Variants in DRC8 observed in about 807,000 individuals in gnomAD.
DRC8 encodes the protein dynein regulatory complex subunit 8.
At chr1:245,067,275 G>A in the DRC8 span, among the ~76,000 whole-genome samples, 3 of 151,968 alleles carry the variant, frequency 2.0e-5, no homozygotes, top group Non-Finnish European at 4.4e-5. Flanking sequence ...TACAGGTGCC[G>A]GCCAACATGA....
At chr1:245,056,122 T>TC in the DRC8 span, among the ~76,000 whole-genome samples, 1 of 152,162 alleles carries the variant, frequency 6.6e-6, no homozygotes, top group East Asian at 1.9e-4. Flanking sequence ...AAAGACTTCC[T>TC]CCAGCCTTTG....
chr1:245,009,139 G>T, the DRC8 span, among the ~76,000 whole-genome samples: 1 of 137,278 alleles, frequency 7.3e-6, no homozygotes, highest in Admixed American at 8.3e-5. Context: ...AAGTTCAAGT[G>T]ATTCTCCTGC....
At chr1:245,047,878 G>A in the DRC8 span, among the ~76,000 whole-genome samples, 4 of 151,150 alleles carry the variant, frequency 2.6e-5, no homozygotes, top group East Asian at 3.9e-4. Flanking sequence ...GAGAGGCTGC[G>A]GCAGGGGAAT....
the DRC8 span, among the ~76,000 whole-genome samples, chr1:245,095,129 C>T: frequency 3.2e-4 from 48 of 152,214 alleles, no homozygotes; most frequent in Admixed American, 3.9e-4. Context: ...CATCACACAA[C>T]CGGAACAGCC....
chr1:244,988,677 A>G, the DRC8 span, among the ~76,000 whole-genome samples: 1 of 152,126 alleles, frequency 6.6e-6, no homozygotes, highest in Non-Finnish European at 1.5e-5. Context: ...CTCTTTCCAT[A>G]TATGCTTCCT....
At chr1:245,066,608 G>T in the DRC8 span, among the ~76,000 whole-genome samples, 1 of 152,208 alleles carries the variant, frequency 6.6e-6, no homozygotes, top group South Asian at 2.1e-4. Flanking sequence ...TAAGATAATG[G>T]TACTTATAAT....
the DRC8 span, among the ~76,000 whole-genome samples, chr1:245,095,789 T>C: frequency 6.6e-6 from 1 of 151,476 alleles, no homozygotes; most frequent in Admixed American, 6.6e-5. Context: ...TTAATTTAAT[T>C]GTTCACTTAG....
chr1:245,049,476 A>G, the DRC8 span, among the ~76,000 whole-genome samples: 13 of 152,274 alleles, frequency 8.5e-5, no homozygotes, highest in Admixed American at 7.2e-4. The surrounding 1 kb of genome is among the most constrained non-coding windows in gnomAD (Gnocchi z 4.5). Flanking sequence ...CGAAATTCTT[A>G]TGGGGGCCAG....
chr1:245,066,243 T>C, the DRC8 span, among the ~76,000 whole-genome samples: 6 of 152,356 alleles, frequency 3.9e-5, no homozygotes, highest in African/African-American at 9.6e-5. Flanking sequence ...GATGCAGATA[T>C]ACAGTTTGCC....
At chr1:245,086,352 A>C in the DRC8 span, among the ~76,000 whole-genome samples, 1 of 152,244 alleles carries the variant, frequency 6.6e-6, no homozygotes, top group Non-Finnish European at 1.5e-5. Context: ...ATAGGAGCTT[A>C]AGAATTGCTG....
the DRC8 span, among the ~76,000 whole-genome samples, chr1:245,041,331 G>A: frequency 2.0e-5 from 3 of 152,160 alleles, no homozygotes; most frequent in South Asian, 2.1e-4. Flanking sequence ...GAAGTTTCTC[G>A]GTGCAGTTGA....
chr1:244,971,961 A>AG, the DRC8 span, among the ~76,000 whole-genome samples: 1 of 142,670 alleles, frequency 7.0e-6, no homozygotes, highest in Non-Finnish European at 1.5e-5. Flanking sequence ...TCTTTACCAA[A>AG]AAAAAAAAAA....
At chr1:245,087,735 G>A in the DRC8 span, 27 of 991,402 alleles carry the variant, frequency 2.7e-5, no homozygotes, top group South Asian at 5.5e-4. Flanking sequence ...CGAACCACTC[G>A]AAAACGAGTA....
At chr1:245,099,478 C>T in the DRC8 span, among the ~76,000 whole-genome samples, 2 of 152,208 alleles carry the variant, frequency 1.3e-5, no homozygotes, top group Admixed American at 1.3e-4. Context: ...TGCTGGGACG[C>T]AGCCCCGCCC....
the DRC8 span, among the ~76,000 whole-genome samples, chr1:245,058,413 C>A: frequency 6.6e-6 from 1 of 152,038 alleles, no homozygotes; most frequent in Non-Finnish European, 1.5e-5. Context: ...CAGTTACTGA[C>A]TTTAGGTTTC....
At chr1:245,108,815 T>A in the DRC8 span, among the ~76,000 whole-genome samples, 1 of 152,082 alleles carries the variant, frequency 6.6e-6, no homozygotes, top group African/African-American at 2.4e-5. Context: ...ATCCCCTCCT[T>A]CCTTGACAGT....
the DRC8 span, among the ~76,000 whole-genome samples, chr1:245,048,326 A>G: frequency 2.0e-5 from 3 of 152,176 alleles, no homozygotes; most frequent in Admixed American, 6.6e-5. Context: ...TGTTGTAACT[A>G]ATATATTTTG....
chr1:245,114,497 C>T, the DRC8 span, among the ~76,000 whole-genome samples: 1 of 151,816 alleles, frequency 6.6e-6, no homozygotes, highest in African/African-American at 2.4e-5. Context: ...CCTAAGATGT[C>T]CCTAGATTCC....
At chr1:244,970,519 G>C in the DRC8 span, 6 of 1,498,494 alleles carry the variant, frequency 4.0e-6, no homozygotes, top group South Asian at 4.9e-5. Flanking sequence ...AGCGCCGGGT[G>C]GGGTGGGCCC....
Sources: gnomAD v4.1 joint callset for allele counts (sites outside exome capture counted in the v4.1 genomes callset) on GRCh38, gnomAD v4.1.1 for gene constraint, Gnocchi (gnomAD v3.1) non-coding constraint, MANE v1.5 for transcripts, NCBI Gene and HGNC (gene_info 2026-07-23, HGNC 2026-07-21) for gene names.